The following MAPKAP1 variants were observed in gnomAD, a reference collection of about 807,000 sequenced individuals.
MAPKAP1 encodes the protein MAPK associated protein 1.
Under a neutral mutation model 65.7 loss-of-function variants are expected in MAPKAP1, and 20 were observed. That is an observed-to-expected ratio of 0.30 (90% CI 0.21 to 0.44). MAPKAP1 has a LOEUF of 0.44. MAPKAP1 is among the 20% of genes least tolerant of loss of function. MAPKAP1 has a pLI of 1.00. For synonymous variants in MAPKAP1, 222 were observed against 244.3 expected, an observed-to-expected ratio of 0.91 and a Z score of 0.85; for missense variants, 423 against 648.0, an observed-to-expected ratio of 0.65 and a Z score of 3.77.
chr9:125,658,756 T>C (rs962496870), intron 3 of MAPKAP1, among the ~76,000 whole-genome samples: 3 of 152,206 alleles, frequency 2.0e-5, no homozygotes, highest in African/African-American at 7.2e-5. Flanking sequence ...TCTAAATCAA[T>C]TGGAATATCA....
At chr9:125,524,169 T>C (rs1829699209) in intron 7 of MAPKAP1, among the ~76,000 whole-genome samples, 1 of 152,246 alleles carries the variant, frequency 6.6e-6, no homozygotes, top group African/African-American at 2.4e-5. Context: ...TGTCCAGCTT[T>C]ATAACAGCCA....
intron 3 of MAPKAP1, among the ~76,000 whole-genome samples, chr9:125,667,760 G>A (rs893333946): frequency 2.6e-5 from 4 of 152,008 alleles, no homozygotes; most frequent in South Asian, 2.1e-4. Context: ...AGTGAAGAAC[G>A]CAAATAAAGG....
At chr9:125,565,024 C>T (rs547827457) in intron 5 of MAPKAP1, among the ~76,000 whole-genome samples, 6 of 152,180 alleles carry the variant, frequency 3.9e-5, no homozygotes, top group South Asian at 2.1e-4. Context: ...GTTTGAACAA[C>T]GAATGGATGC....
rs1256312211 is a variant in MAPKAP1 at position 125,693,614 on chromosome 9, TAC to T, written c.-70+13355_-70+13356del. Reference sequence around the variant, plus strand: ...GTATACACACACACATACACATATATACACACATATATACACATATACACACA... The same window carrying T: ...GTATACACACACACATACACATATATACACATATATACACATATACACACA... On this transcript the variant is annotated intron_variant, in intron 1 of 11. Transcript: ENST00000265960. Among the ~76,000 whole-genome samples the T allele has an allele frequency of 1.3e-3, 188 of 147,882 alleles. 3 individuals carry two copies. The highest frequency in any genetic ancestry group is 4.2e-3 in the African/African-American group (166 of 39,648).
chr9:125,526,347 G>C (rs1333450358), intron 7 of MAPKAP1, among the ~76,000 whole-genome samples: 2 of 152,166 alleles, frequency 1.3e-5, no homozygotes, highest in Non-Finnish European at 2.9e-5. Context: ...ACAGCTGTTT[G>C]GGACTCTAAT....
At chr9:125,621,354 C>A (rs757651263) in intron 4 of MAPKAP1, among the ~76,000 whole-genome samples, 3 of 152,060 alleles carry the variant, frequency 2.0e-5, no homozygotes, top group African/African-American at 4.8e-5. Context: ...TGTACTATCT[C>A]ATTTAATTCT....
At chr9:125,693,137 G>C (rs955187795) in intron 1 of MAPKAP1, among the ~76,000 whole-genome samples, 2 of 152,072 alleles carry the variant, frequency 1.3e-5, no homozygotes, top group African/African-American at 4.8e-5. Flanking sequence ...AACAGGCCGG[G>C]CACAGTGGCT....
intron 1 of MAPKAP1, among the ~76,000 whole-genome samples, chr9:125,687,349 G>A (rs556156188): frequency 2.6e-5 from 4 of 152,144 alleles, no homozygotes; most frequent in Non-Finnish European, 4.4e-5. Context: ...CTATGGATTA[G>A]TTAACAGTTG....
At chr9:125,560,759 G>A (rs535328748) in intron 5 of MAPKAP1, among the ~76,000 whole-genome samples, 5 of 152,256 alleles carry the variant, frequency 3.3e-5, no homozygotes, top group African/African-American at 7.2e-5. Flanking sequence ...GCAAATGACT[G>A]GATTAGTCCT....
intron 7 of MAPKAP1, among the ~76,000 whole-genome samples, chr9:125,542,392 G>A (rs1830279177): frequency 6.6e-6 from 1 of 152,058 alleles, no homozygotes; most frequent in Non-Finnish European, 1.5e-5. Context: ...TATTCAACAC[G>A]TCATATATGA....
intron 10 of MAPKAP1, among the ~76,000 whole-genome samples, chr9:125,459,249 G>C (rs1271020156): frequency 6.6e-6 from 1 of 150,844 alleles, no homozygotes; most frequent in Admixed American, 6.6e-5. Flanking sequence ...TCACTTCCTA[G>C]ATGTGATGGC....
intron 7 of MAPKAP1, among the ~76,000 whole-genome samples, chr9:125,538,399 T>C (rs1046217185): frequency 1.3e-5 from 2 of 152,154 alleles, no homozygotes; most frequent in African/African-American, 2.4e-5. Flanking sequence ...GGATAAGATG[T>C]GGGGAGGCAG....
At chr9:125,571,432 T>C (rs968539577) in intron 5 of MAPKAP1, among the ~76,000 whole-genome samples, 3 of 152,184 alleles carry the variant, frequency 2.0e-5, no homozygotes, top group Non-Finnish European at 4.4e-5. Context: ...ATTGTAAGAT[T>C]AGAATAGAGG....
chr9:125,673,750 A>C (rs1041388632), intron 1 of MAPKAP1, among the ~76,000 whole-genome samples: 2 of 151,700 alleles, frequency 1.3e-5, no homozygotes, highest in Non-Finnish European at 2.9e-5. Flanking sequence ...TCAAAACTCT[A>C]TCTCTACAAA....
At chr9:125,532,254 G>A (rs1829955246) in intron 7 of MAPKAP1, among the ~76,000 whole-genome samples, 1 of 152,104 alleles carries the variant, frequency 6.6e-6, no homozygotes, top group African/African-American at 2.4e-5. Context: ...CCACAAAAAA[G>A]AGATAATGCC....
At chr9:125,609,532 A>T (rs1832539537) in intron 4 of MAPKAP1, among the ~76,000 whole-genome samples, 1 of 152,132 alleles carries the variant, frequency 6.6e-6, no homozygotes, top group Non-Finnish European at 1.5e-5. Context: ...TTTGTCTTTA[A>T]GAAAGAGTCT....
chr9:125,670,132 C>A (rs1251549737), intron 2 of MAPKAP1, among the ~76,000 whole-genome samples: 2 of 152,110 alleles, frequency 1.3e-5, no homozygotes, highest in East Asian at 1.9e-4. Context: ...TAATAGAGAT[C>A]ATAAAGATAG....
chr9:125,507,018 A>G (rs776545377), intron 7 of MAPKAP1, among the ~76,000 whole-genome samples: 2 of 152,254 alleles, frequency 1.3e-5, no homozygotes. Context: ...AATTAAAAAA[A>G]TCTCAGATTT....
At chr9:125,675,180 TAG>T (rs1392255285) in intron 1 of MAPKAP1, among the ~76,000 whole-genome samples, 1 of 152,138 alleles carries the variant, frequency 6.6e-6, no homozygotes, top group Non-Finnish European at 1.5e-5. Context: ...TAGTCACCAG[TAG>T]AGAGGCAGGT....
Sources: allele counts gnomAD v4.1 joint callset (sites outside exome capture counted in the v4.1 genomes callset), GRCh38; gene constraint gnomAD v4.1.1; transcripts MANE v1.5; gene names NCBI Gene and HGNC (gene_info 2026-07-23, HGNC 2026-07-21).